QTGAL: variants seen among roughly 807,000 people sequenced by gnomAD.
QTGAL encodes the protein queuosine-tRNA galactosyltransferase, also known as BGnT-like protein 1.
At chr17:83,032,967 CAGG>C in the QTGAL span, among the ~76,000 whole-genome samples, 8 of 152,300 alleles carry the variant, frequency 5.3e-5, 1 homozygote, top group African/African-American at 1.9e-4. Context: ...AGAGCTGGGT[CAGG>C]AGGAGAGGAA....
At chr17:82,956,254 A>G in the QTGAL span, among the ~76,000 whole-genome samples, 7,472 of 151,974 alleles carry the variant, frequency 0.049, 587 homozygotes, top group African/African-American at 0.17. This position sits in a 1 kb window ranked among gnomAD's most constrained non-coding sequence, Gnocchi z 5.7. Flanking sequence ...AGCCCGAGGC[A>G]CCCATCACCT....
chr17:83,014,357 C>T, the QTGAL span: 2 of 1,340,266 alleles, frequency 1.5e-6, no homozygotes, highest in Admixed American at 3.9e-5. Flanking sequence ...CTCACCATAG[C>T]CTGATTCTTT....
the QTGAL span, among the ~76,000 whole-genome samples, chr17:82,974,106 C>T: frequency 2.0e-5 from 3 of 152,354 alleles, no homozygotes; most frequent in African/African-American, 4.8e-5. Flanking sequence ...TCTCCTGCCC[C>T]TTGGGCCTCC....
the QTGAL span, chr17:82,945,002 G>C: frequency 6.6e-6 from 1 of 152,324 alleles, no homozygotes; most frequent in East Asian, 1.9e-4. Context: ...TGGAAAATTT[G>C]ATTGACTTGG....
the QTGAL span, among the ~76,000 whole-genome samples, chr17:83,002,754 G>A: frequency 3.9e-5 from 6 of 152,210 alleles, no homozygotes; most frequent in Non-Finnish European, 7.4e-5. Flanking sequence ...TGTCCACATC[G>A]CATGCAGCAG....
the QTGAL span, chr17:82,942,740 G>A: frequency 1.8e-6 from 1 of 549,800 alleles, no homozygotes; most frequent in Non-Finnish European, 3.2e-6. Flanking sequence ...GATGTGTGTA[G>A]GGGTGATGGA....
At chr17:82,986,318 G>C in the QTGAL span, among the ~76,000 whole-genome samples, 2 of 152,178 alleles carry the variant, frequency 1.3e-5, no homozygotes, top group Non-Finnish European at 2.9e-5. Context: ...GCACCTCCAC[G>C]CCCCTCCGCC....
the QTGAL span, among the ~76,000 whole-genome samples, chr17:82,998,830 G>C: frequency 3.3e-5 from 5 of 152,076 alleles, no homozygotes; most frequent in Non-Finnish European, 7.4e-5. Context: ...GATGTGAACA[G>C]ACACTTTACC....
the QTGAL span, among the ~76,000 whole-genome samples, chr17:83,008,382 T>C: frequency 1.8e-4 from 28 of 152,236 alleles, no homozygotes; most frequent in African/African-American, 6.5e-4. Flanking sequence ...CTTGGAACTC[T>C]TTCTGAATTT....
At chr17:82,958,194 C>A in the QTGAL span, among the ~76,000 whole-genome samples, 1 of 152,250 alleles carries the variant, frequency 6.6e-6, no homozygotes, top group African/African-American at 2.4e-5. Context: ...GCCCCAGGAG[C>A]TGGACGGGCC....
At chr17:82,999,196 A>G in the QTGAL span, among the ~76,000 whole-genome samples, 2 of 152,316 alleles carry the variant, frequency 1.3e-5, no homozygotes, top group South Asian at 2.1e-4. Flanking sequence ...GCTTGTACAT[A>G]TGTTCACTGT....
the QTGAL span, among the ~76,000 whole-genome samples, chr17:82,961,895 C>G: frequency 0.021 from 3,223 of 152,332 alleles, 53 homozygotes; most frequent in South Asian, 0.093. Context: ...GCTTGCTCCT[C>G]TCCTGGGTGA....
At chr17:82,988,041 TG>T in the QTGAL span, among the ~76,000 whole-genome samples, 1 of 152,206 alleles carries the variant, frequency 6.6e-6, no homozygotes, top group Non-Finnish European at 1.5e-5. Context: ...CAATTGTGAA[TG>T]GAAGTTCATT....
the QTGAL span, chr17:82,947,014 G>T: frequency 6.5e-7 from 1 of 1,546,126 alleles, no homozygotes; most frequent in Admixed American, 2.0e-5. Context: ...AGCTCAGTCC[G>T]GTCTCCTGGC....
chr17:83,001,886 C>T, the QTGAL span, among the ~76,000 whole-genome samples: 1 of 152,138 alleles, frequency 6.6e-6, no homozygotes, highest in Admixed American at 6.5e-5. Flanking sequence ...CCTCCCACCT[C>T]AGCCTCCCGA....
chr17:83,025,793 G>A, the QTGAL span, among the ~76,000 whole-genome samples: 405 of 152,358 alleles, frequency 2.7e-3, 1 homozygote, highest in African/African-American at 9.2e-3. Context: ...TTTCTCCGAC[G>A]GCACCACTGG....
the QTGAL span, among the ~76,000 whole-genome samples, chr17:82,977,562 C>T: frequency 6.6e-6 from 1 of 152,164 alleles, no homozygotes. Flanking sequence ...GAGCGAGCAA[C>T]GCCCCAATCC....
chr17:82,966,402 G>A, the QTGAL span, among the ~76,000 whole-genome samples: 1 of 152,136 alleles, frequency 6.6e-6, no homozygotes, highest in Non-Finnish European at 1.5e-5. Context: ...ACCTAGGAGA[G>A]CCAGCACAAT....
the QTGAL span, among the ~76,000 whole-genome samples, chr17:82,960,721 G>A: frequency 1.4e-4 from 22 of 152,288 alleles, no homozygotes; most frequent in African/African-American, 4.6e-4. Context: ...TGTGGTCCCC[G>A]CCGGACCCCA....
Sources: gnomAD v4.1 joint callset for allele counts (sites outside exome capture counted in the v4.1 genomes callset) on GRCh38, gnomAD v4.1.1 for gene constraint, Gnocchi (gnomAD v3.1) non-coding constraint, MANE v1.5 for transcripts, NCBI Gene and HGNC (gene_info 2026-07-23, HGNC 2026-07-21) for gene names.